Variants in LRFN5 observed in about 807,000 individuals in gnomAD.
LRFN5 encodes leucine-rich repeat and fibronectin type-III domain-containing protein 5.
Under a neutral mutation model 45.6 loss-of-function variants are expected in LRFN5, and 24 were observed. The ratio of observed to expected loss-of-function variants is 0.53; its 90% confidence interval spans 0.38 to 0.74. The LOEUF is 0.74. LRFN5 is among the 30% of genes least tolerant of loss of function. The pLI, the probability that LRFN5 is intolerant of heterozygous loss-of-function variation, is 0.00. For synonymous variants in LRFN5, 340 were observed against 313.8 expected (o/e 1.08, Z -0.88); for missense variants, 776 against 861.5 (o/e 0.90, Z 1.24).
At chr14:41,873,419 C>CAGAGAGAG (rs10558865) in intron 2 of LRFN5, among the ~76,000 whole-genome samples, 151 of 146,604 alleles carry the variant, frequency 1.0e-3, no homozygotes, top group South Asian at 3.6e-3. Flanking sequence ...GAGAGAGAGA[C>CAGAGAGAG]AGAGAGAGAG....
At chr14:41,657,336 G>A (rs1459438466) in intron 1 of LRFN5, among the ~76,000 whole-genome samples, 1 of 151,824 alleles carries the variant, frequency 6.6e-6, no homozygotes, top group Non-Finnish European at 1.5e-5. Context: ...CCTGTTCTTA[G>A]TAAGAGTCTG....
intron 1 of LRFN5, among the ~76,000 whole-genome samples, chr14:41,710,902 T>G (rs1359007118): frequency 7.0e-6 from 1 of 143,660 alleles, no homozygotes; most frequent in Non-Finnish European, 1.6e-5. Context: ...AGAATGATGG[T>G]TTGCAGCTTC....
chr14:41,850,160 T>A (rs545768634), intron 2 of LRFN5, among the ~76,000 whole-genome samples: 2 of 152,114 alleles, frequency 1.3e-5, no homozygotes, highest in East Asian at 3.9e-4. Flanking sequence ...ACATGTATAC[T>A]ACTTGGAGCT....
At chr14:41,653,166 A>C (rs1233617121) in intron 1 of LRFN5, among the ~76,000 whole-genome samples, 1 of 152,122 alleles carries the variant, frequency 6.6e-6, no homozygotes, top group Non-Finnish European at 1.5e-5. Context: ...TCTTTAGTTT[A>C]GTTAGATCCC....
intron 1 of LRFN5, among the ~76,000 whole-genome samples, chr14:41,758,466 T>C (rs1159639709): frequency 2.0e-5 from 3 of 152,212 alleles, no homozygotes; most frequent in African/African-American, 7.2e-5. Flanking sequence ...TTGGCTTTAC[T>C]GTATTTCATT....
At chr14:41,837,590 A>G (rs2139046757) in intron 2 of LRFN5, among the ~76,000 whole-genome samples, 1 of 152,324 alleles carries the variant, frequency 6.6e-6, no homozygotes, top group East Asian at 1.9e-4. Flanking sequence ...ATTTACATAA[A>G]GTAGTAAATA....
At chr14:41,780,627 C>T (rs1007250305) in intron 2 of LRFN5, among the ~76,000 whole-genome samples, 2 of 151,934 alleles carry the variant, frequency 1.3e-5, no homozygotes, top group African/African-American at 4.8e-5. Flanking sequence ...TAAATCAAAT[C>T]TGAAAATTTA....
intron 2 of LRFN5, among the ~76,000 whole-genome samples, chr14:41,831,800 C>T (rs892958851): frequency 1.3e-5 from 2 of 152,230 alleles, no homozygotes; most frequent in Admixed American, 6.5e-5. Flanking sequence ...CAGACTGCCT[C>T]ATGAAATACC....
At chr14:41,685,769 G>A (rs1219209569) in intron 1 of LRFN5, among the ~76,000 whole-genome samples, 1 of 152,078 alleles carries the variant, frequency 6.6e-6, no homozygotes, top group Non-Finnish European at 1.5e-5. Context: ...AAGATCAGAT[G>A]GTTGTAGATG....
intron 1 of LRFN5, among the ~76,000 whole-genome samples, chr14:41,644,547 T>A (rs1182304397): frequency 6.6e-6 from 1 of 152,088 alleles, no homozygotes; most frequent in African/African-American, 2.4e-5. Context: ...ACCACACAGT[T>A]TGGCAGGGTT....
At chr14:41,871,114 G>A (rs552770862) in intron 2 of LRFN5, among the ~76,000 whole-genome samples, 7 of 151,678 alleles carry the variant, frequency 4.6e-5, no homozygotes, top group Middle Eastern at 3.4e-3. Flanking sequence ...GAGAAATGGG[G>A]TCTTATTTAA....
At chr14:41,735,930 T>C (rs999663998) in intron 1 of LRFN5, among the ~76,000 whole-genome samples, 35 of 152,190 alleles carry the variant, frequency 2.3e-4, no homozygotes, top group African/African-American at 7.7e-4. Flanking sequence ...GAAAAGGACA[T>C]GAATTCATTC....
Position 41,800,234 on chromosome 14 carries a change from G to A in LRFN5, c.-21+33205G>A, listed in dbSNP as rs147875899. Among the ~76,000 whole-genome samples, 978 of 152,074 alleles carry A rather than the reference G, an allele frequency of 6.4e-3. 8 individuals carry two copies. The highest frequency in any genetic ancestry group is 0.021 in the Middle Eastern group (6 of 292). ...TTAATTGGAGGATTTTAAATGGCAG[G>A]ACTTATGTTTGGTTGATATTGTTGT... On this transcript the variant is annotated intron_variant, in intron 2 of 5. Coordinates refer to ENST00000298119, the MANE Select transcript of LRFN5 (RefSeq NM_152447.5).
intron 2 of LRFN5, among the ~76,000 whole-genome samples, chr14:41,873,974 G>T (rs1338520705): frequency 2.0e-5 from 3 of 152,104 alleles, no homozygotes. Flanking sequence ...GGAAAAACTG[G>T]ATAAAGTAAT....
chr14:41,693,198 G>C (rs562356354), intron 1 of LRFN5, among the ~76,000 whole-genome samples: 2 of 152,042 alleles, frequency 1.3e-5, no homozygotes, highest in South Asian at 2.1e-4. Flanking sequence ...AAATATTTTT[G>C]GAAGTTGTTC....
At chr14:41,759,476 C>G (rs997250820) in intron 1 of LRFN5, among the ~76,000 whole-genome samples, 1 of 100,340 alleles carries the variant, frequency 1.0e-5, no homozygotes, top group African/African-American at 4.0e-5. Flanking sequence ...CACACACACA[C>G]ACACACACAC....
intron 1 of LRFN5, among the ~76,000 whole-genome samples, chr14:41,695,181 C>T (rs1882552378): frequency 6.6e-6 from 1 of 151,904 alleles, no homozygotes; most frequent in Non-Finnish European, 1.5e-5. Context: ...GAGCAAAGCC[C>T]TAACTCATGT....
chr14:41,676,339 C>T (rs1044708929), intron 1 of LRFN5, among the ~76,000 whole-genome samples: 3 of 152,146 alleles, frequency 2.0e-5, no homozygotes, highest in Non-Finnish European at 4.4e-5. Flanking sequence ...GCAGCAGTGG[C>T]CTATATGGCT....
intron 2 of LRFN5, among the ~76,000 whole-genome samples, chr14:41,819,418 C>T (rs1342922722): frequency 1.3e-5 from 2 of 151,998 alleles, no homozygotes; most frequent in Non-Finnish European, 1.5e-5. Flanking sequence ...TTCTGATTCA[C>T]GAAAGATGTT....
Sources: gnomAD v4.1 joint callset for allele counts (sites outside exome capture counted in the v4.1 genomes callset) on GRCh38, gnomAD v4.1.1 for gene constraint, MANE v1.5 for transcripts, NCBI Gene and HGNC (gene_info 2026-07-23, HGNC 2026-07-21) for gene names.